The following FSTL5 variants were observed in gnomAD, a reference collection of about 807,000 sequenced individuals.
The protein encoded by FSTL5 is follistatin like 5.
In FSTL5, 62 loss-of-function variants were observed where a neutral mutation model predicts 89.1. The ratio of observed to expected loss-of-function variants is 0.70; its 90% CI spans 0.57 to 0.86. The LOEUF (loss-of-function observed/expected upper bound fraction) is 0.86. Among genes scored for constraint, FSTL5 ranks in the 40% least tolerant of loss-of-function variants. FSTL5 has a pLI of 0.00. For synonymous variants in FSTL5, 383 were observed against 346.2 expected (o/e 1.11, Z -1.18); for missense variants, 1,057 against 1,001.6 (o/e 1.06, Z -0.75).
intron 2 of FSTL5, among the ~76,000 whole-genome samples, chr4:162,088,658 C>T (rs1011971326): frequency 2.0e-5 from 3 of 152,058 alleles, no homozygotes; most frequent in Non-Finnish European, 4.4e-5. Flanking sequence ...ATGATTTAGA[C>T]ACTTAGATAT....
At chr4:161,741,373 A>G (rs1473745978) in intron 6 of FSTL5, among the ~76,000 whole-genome samples, 1 of 152,152 alleles carries the variant, frequency 6.6e-6, no homozygotes, top group East Asian at 1.9e-4. Flanking sequence ...TGGTTTTAGG[A>G]AGACTTGGCA....
chr4:162,102,209 A>G (rs1731023234), intron 2 of FSTL5, among the ~76,000 whole-genome samples: 1 of 152,094 alleles, frequency 6.6e-6, no homozygotes, highest in South Asian at 2.1e-4. Context: ...AGAAAAAAAA[A>G]ATAAACAGTA....
chr4:161,653,662 C>A (rs1736414356), intron 7 of FSTL5, among the ~76,000 whole-genome samples: 1 of 152,028 alleles, frequency 6.6e-6, no homozygotes, highest in Non-Finnish European at 1.5e-5. Context: ...TCCTTATTAG[C>A]AAATTTTAAG....
At chr4:161,459,536 C>G (rs1336069567) in intron 13 of FSTL5, among the ~76,000 whole-genome samples, 1 of 151,818 alleles carries the variant, frequency 6.6e-6, no homozygotes, top group Non-Finnish European at 1.5e-5. Context: ...AATTTTTTAT[C>G]ATATACAATT....
At chr4:161,787,331 G>A (rs917465127) in intron 4 of FSTL5, among the ~76,000 whole-genome samples, 2 of 152,100 alleles carry the variant, frequency 1.3e-5, no homozygotes, top group Non-Finnish European at 2.9e-5. Context: ...ATTTGTGAGT[G>A]ACTGGTGAGT....
In FSTL5 at chr4:161,776,065, C is replaced by G. The variant is rs375676202; in HGVS notation, c.419G>C (p.Cys140Ser). The part of the protein sequence containing the change: ...NEDCFFKGDK[C>S]KTTEYSKMKN... Reference sequence around the variant, plus strand: ...CATCTTGCTGTATTCAGTAGTCTTGCACTTATCTCCTGTAACAAAAGAACT... The same window carrying G: ...CATCTTGCTGTATTCAGTAGTCTTGGACTTATCTCCTGTAACAAAAGAACT... Residue 140 changes from cysteine (C) to serine (S), a missense_variant, in exon 5 of 16, where the codon TGC becomes TCC. Physicochemically the swap from Cys to Ser is moderately radical, Grantham distance 112 (BLOSUM62 -1). Coordinates refer to ENST00000306100, the MANE Select transcript of FSTL5 (RefSeq NM_020116.5). The G allele has an allele frequency of 3.4e-6, 5 of 1,481,786 alleles. No homozygotes were observed. The African/African-American group carries it at 5.7e-5, about 17-fold the overall frequency. 91.8% of individuals were successfully genotyped at this position (1,481,786 alleles called of 1,614,324 possible). A position where few individuals can be genotyped will look rare whatever the true frequency, so the allele number is the denominator to read the frequency against.
intron 4 of FSTL5, among the ~76,000 whole-genome samples, chr4:161,873,177 A>G (rs1732330158): frequency 6.6e-6 from 1 of 152,136 alleles, no homozygotes; most frequent in South Asian, 2.1e-4. Context: ...ACCTTGGGTC[A>G]GGTGCCCTGC....
intron 6 of FSTL5, among the ~76,000 whole-genome samples, chr4:161,659,876 G>T (rs1736646701): frequency 6.6e-6 from 1 of 152,112 alleles, no homozygotes; most frequent in African/African-American, 2.4e-5. Context: ...AACAGCTTAT[G>T]CTAGTTATGT....
chr4:161,407,035 G>GAA (rs1434086494), intron 15 of FSTL5, among the ~76,000 whole-genome samples: 4 of 151,972 alleles, frequency 2.6e-5, no homozygotes, highest in African/African-American at 9.7e-5. Context: ...TAAATTCCTG[G>GAA]AATTGGGGTA....
At chr4:161,618,281 T>G (rs562279283) in intron 7 of FSTL5, among the ~76,000 whole-genome samples, 1 of 137,088 alleles carries the variant, frequency 7.3e-6, no homozygotes, top group East Asian at 2.1e-4. Context: ...AGGGACAATT[T>G]GACTTCCTCT....
intron 4 of FSTL5, among the ~76,000 whole-genome samples, chr4:161,895,912 G>A (rs1733143838): frequency 6.6e-6 from 1 of 151,936 alleles, no homozygotes; most frequent in Non-Finnish European, 1.5e-5. Context: ...AAATATAGGG[G>A]GGCATATCTA....
At chr4:161,877,272 T>A (rs547553921) in intron 4 of FSTL5, among the ~76,000 whole-genome samples, 1 of 150,938 alleles carries the variant, frequency 6.6e-6, no homozygotes, top group African/African-American at 2.4e-5. Context: ...GATAATATAG[T>A]AGAATATGGT....
intron 4 of FSTL5, among the ~76,000 whole-genome samples, chr4:161,808,474 T>C (rs1730038951): frequency 6.6e-6 from 1 of 152,160 alleles, no homozygotes; most frequent in South Asian, 2.1e-4. Context: ...AGTTTGACTT[T>C]ACCTTTACCA....
At chr4:161,951,491 T>C (rs1734893132) in intron 3 of FSTL5, among the ~76,000 whole-genome samples, 1 of 152,110 alleles carries the variant, frequency 6.6e-6, no homozygotes, top group African/African-American at 2.4e-5. Flanking sequence ...TTAACAATGA[T>C]ATAGTCACTT....
intron 6 of FSTL5, among the ~76,000 whole-genome samples, chr4:161,681,368 C>A (rs1206451553): frequency 2.0e-5 from 3 of 151,962 alleles, no homozygotes; most frequent in Non-Finnish European, 4.4e-5. Flanking sequence ...AGCATTTTGT[C>A]AATTTTTTTC....
chr4:161,967,420 GAAGAA>G (rs1014835637), intron 3 of FSTL5, among the ~76,000 whole-genome samples: 3 of 150,864 alleles, frequency 2.0e-5, no homozygotes, highest in Admixed American at 6.6e-5. Flanking sequence ...AAAATTAAAA[GAAGAA>G]AAGAAAGGTA....
intron 14 of FSTL5, among the ~76,000 whole-genome samples, chr4:161,455,699 G>A (rs558392651): frequency 6.6e-6 from 1 of 152,094 alleles, no homozygotes; most frequent in African/African-American, 2.4e-5. Flanking sequence ...GTCCTTTAAA[G>A]AAAAGGTCAA....
chr4:161,522,833 T>C (rs955417222), intron 10 of FSTL5, among the ~76,000 whole-genome samples: 1 of 151,730 alleles, frequency 6.6e-6, no homozygotes, highest in African/African-American at 2.4e-5. Flanking sequence ...TTTAAAATAT[T>C]TTAACATTAA....
At chr4:161,641,711 C>T (rs182768397) in intron 7 of FSTL5, among the ~76,000 whole-genome samples, 8 of 151,942 alleles carry the variant, frequency 5.3e-5, no homozygotes, top group Admixed American at 2.6e-4. Flanking sequence ...AGGATGGTCT[C>T]GATCTCCTGA....
Sources: gnomAD v4.1 joint callset for allele counts (sites outside exome capture counted in the v4.1 genomes callset) on GRCh38, gnomAD v4.1.1 for gene constraint, MANE v1.5 for transcripts, NCBI Gene and HGNC (gene_info 2026-07-23, HGNC 2026-07-21) for gene names.